Variants in DGKB observed in about 807,000 individuals in gnomAD.
DGKB encodes diacylglycerol kinase beta.
In DGKB, 67 loss-of-function variants were observed where a neutral mutation model predicts 114.3. That is an observed-to-expected ratio of 0.59 (90% CI 0.48 to 0.72). The LOEUF (loss-of-function observed/expected upper bound fraction) is 0.72. DGKB is among the 30% of genes least tolerant of loss of function. DGKB has a pLI of 0.00. For missense variants in DGKB, 907 were observed against 975.2 expected (o/e 0.93, Z 0.93); for synonymous variants, 398 against 323.1 (o/e 1.23, Z -2.49).
chr7:14,664,555 C>T (rs1817693691), intron 13 of DGKB, among the ~76,000 whole-genome samples: 1 of 151,980 alleles, frequency 6.6e-6, no homozygotes, highest in Admixed American at 6.6e-5. Flanking sequence ...CTTACACATG[C>T]CCTTTAAAAA....
At chr7:14,678,933 G>C (rs569530504) in intron 12 of DGKB, among the ~76,000 whole-genome samples, 15 of 152,090 alleles carry the variant, frequency 9.9e-5, no homozygotes, top group African/African-American at 3.6e-4. Flanking sequence ...AAAAAAAATT[G>C]ACTTCAAACT....
At chr7:14,844,770 T>C (rs1848407098) in intron 1 of DGKB, among the ~76,000 whole-genome samples, 1 of 152,058 alleles carries the variant, frequency 6.6e-6, no homozygotes, top group African/African-American at 2.4e-5. Context: ...GTAATAATTA[T>C]CTTAATTATA....
At chr7:14,688,811 T>C (rs1822179351) in intron 9 of DGKB, among the ~76,000 whole-genome samples, 1 of 151,208 alleles carries the variant, frequency 6.6e-6, no homozygotes. Flanking sequence ...AAGTTTTAGT[T>C]TTTCCATAAA....
chr7:14,226,904 G>T (rs181843979), intron 23 of DGKB, among the ~76,000 whole-genome samples: 33 of 152,094 alleles, frequency 2.2e-4, no homozygotes, highest in African/African-American at 7.5e-4. Flanking sequence ...GGTTAAAAAA[G>T]AATCTCATTT....
chr7:14,657,571 G>T (rs1181826000), intron 13 of DGKB, among the ~76,000 whole-genome samples: 3 of 151,804 alleles, frequency 2.0e-5, no homozygotes, highest in Non-Finnish European at 4.4e-5. Flanking sequence ...GGAAATAGAT[G>T]ACTTCAGTAA....
intron 1 of DGKB, among the ~76,000 whole-genome samples, chr7:14,862,398 C>G: frequency 6.6e-6 from 1 of 151,990 alleles, no homozygotes; most frequent in East Asian, 1.9e-4. Flanking sequence ...ACTACAATAG[C>G]TGCTAATGAT....
At chr7:14,665,067 A>T (rs1817788986) in intron 13 of DGKB, among the ~76,000 whole-genome samples, 1 of 152,076 alleles carries the variant, frequency 6.6e-6, no homozygotes, top group Non-Finnish European at 1.5e-5. Flanking sequence ...TATGTATCAT[A>T]CAACTTCAAC....
rs182195304 is a variant in DGKB at position 14,430,663 on chromosome 7, A to G, written c.1835+47498T>C. Among the ~76,000 whole-genome samples, 781 of 152,286 alleles carry G rather than the reference A, an allele frequency of 5.1e-3. 3 individuals are homozygous for G. Among genetic ancestry groups the G allele is most frequent in the Non-Finnish European group, 6.7e-3 (459 of 68,014 alleles). Reference sequence around the variant, plus strand: ...GTTTCATTTTAGATGAATACAATATAAATTGATTTATTAGTTGAATATTTG... The same window carrying G: ...GTTTCATTTTAGATGAATACAATATGAATTGATTTATTAGTTGAATATTTG... On this transcript the variant is annotated intron_variant, in intron 21 of 25. Transcript: ENST00000402815.
intron 23 of DGKB, among the ~76,000 whole-genome samples, chr7:14,314,239 AG>A (rs1423978402): frequency 6.6e-6 from 1 of 152,206 alleles, no homozygotes; most frequent in Non-Finnish European, 1.5e-5. Flanking sequence ...CCTCCTCCAA[AG>A]GAACGCAGCT....
chr7:14,504,067 C>T (rs967089822), intron 20 of DGKB, among the ~76,000 whole-genome samples: 2 of 152,102 alleles, frequency 1.3e-5, no homozygotes, highest in Non-Finnish European at 2.9e-5. Context: ...TATCTAAATG[C>T]AAATTTTGCA....
chr7:14,487,064 A>G (rs977604080), intron 20 of DGKB, among the ~76,000 whole-genome samples: 1 of 152,172 alleles, frequency 6.6e-6, no homozygotes, highest in Non-Finnish European at 1.5e-5. Flanking sequence ...TAAGTAACAC[A>G]TGCCACGTAC....
chr7:14,726,391 C>G (rs1830039229), intron 5 of DGKB, among the ~76,000 whole-genome samples: 1 of 152,118 alleles, frequency 6.6e-6, no homozygotes, highest in South Asian at 2.1e-4. Flanking sequence ...CCATGGCCTC[C>G]CAAAGTGCTG....
intron 20 of DGKB, among the ~76,000 whole-genome samples, chr7:14,545,560 A>G (rs1794147271): frequency 6.6e-6 from 1 of 152,188 alleles, no homozygotes; most frequent in African/African-American, 2.4e-5. Context: ...AACAGACTAG[A>G]GCAAAGGAAC....
intron 1 of DGKB, among the ~76,000 whole-genome samples, chr7:14,935,442 A>G (rs1785223632): frequency 6.6e-6 from 1 of 152,212 alleles, no homozygotes; most frequent in Non-Finnish European, 1.5e-5. Context: ...AGAAGTTTAT[A>G]TAAAATAAAT....
intron 20 of DGKB, among the ~76,000 whole-genome samples, chr7:14,545,831 C>T (rs1436432457): frequency 6.6e-6 from 1 of 152,118 alleles, no homozygotes; most frequent in Non-Finnish European, 1.5e-5. Context: ...TCTAGAAAGG[C>T]CATATGAAGA....
intron 19 of DGKB, 110 bp downstream of exon 19, chr7:14,580,752 G>T (rs1487069212): frequency 1.4e-6 from 1 of 690,624 alleles, no homozygotes; most frequent in Non-Finnish European, 2.4e-6. Flanking sequence ...TACCACATCA[G>T]TTATCTTCAC....
chr7:14,880,627 CTT>C (rs1480685869), intron 1 of DGKB, among the ~76,000 whole-genome samples: 1 of 152,168 alleles, frequency 6.6e-6, no homozygotes, highest in Non-Finnish European at 1.5e-5. Flanking sequence ...CCCCTCAAGA[CTT>C]TGAGCAGGGA....
chr7:14,435,435 T>C (rs1041660597), intron 21 of DGKB, among the ~76,000 whole-genome samples: 1 of 152,098 alleles, frequency 6.6e-6, no homozygotes, highest in African/African-American at 2.4e-5. Context: ...AAGGAAATTA[T>C]TTAAATGTCT....
At chr7:14,929,912 A>ATAT (rs1784921350) in intron 1 of DGKB, among the ~76,000 whole-genome samples, 1 of 152,134 alleles carries the variant, frequency 6.6e-6, no homozygotes, top group African/African-American at 2.4e-5. Context: ...GTTGAGAGAT[A>ATAT]GGGGTTCAGT....
Sources: allele counts gnomAD v4.1 joint callset (sites outside exome capture counted in the v4.1 genomes callset), GRCh38; gene constraint gnomAD v4.1.1; transcripts MANE v1.5; gene names NCBI Gene and HGNC (gene_info 2026-07-23, HGNC 2026-07-21).